CAST: variants seen among roughly 807,000 people sequenced by gnomAD.
CAST encodes MIR583 host.
In CAST, 76 loss-of-function variants were observed where a neutral mutation model predicts 119.6. The ratio of observed to expected loss-of-function variants is 0.64; its 90% CI spans 0.53 to 0.77. CAST has a LOEUF of 0.77. CAST is among the 30% of genes least tolerant of loss of function. The pLI is 0.00. For synonymous variants in CAST, 319 were observed against 331.6 expected, an observed-to-expected ratio of 0.96 and a Z score of 0.41; for missense variants, 953 against 946.5, an observed-to-expected ratio of 1.01 and a Z score of -0.09.
At chr5:96,663,611 G>C (rs984951288) in intron 1 of CAST, among the ~76,000 whole-genome samples, 1 of 152,142 alleles carries the variant, frequency 6.6e-6, no homozygotes, top group African/African-American at 2.4e-5. Context: ...ATTCGCCGAC[G>C]CAAAGGAGAG....
the CAST span, among the ~76,000 whole-genome samples, chr5:96,083,992 T>A: frequency 8.5e-5 from 13 of 152,170 alleles, no homozygotes; most frequent in African/African-American, 2.2e-4. Flanking sequence ...AGGGGTTTTT[T>A]AAAATAAGGA....
intron 1 of CAST, among the ~76,000 whole-genome samples, chr5:96,573,041 C>G (rs926874515): frequency 6.6e-6 from 1 of 152,138 alleles, no homozygotes; most frequent in Non-Finnish European, 1.5e-5. Flanking sequence ...GAGAGAAGGA[C>G]AAAGCTATGA....
chr5:96,019,792 C>T, the CAST span, among the ~76,000 whole-genome samples: 5 of 152,040 alleles, frequency 3.3e-5, no homozygotes, highest in South Asian at 2.1e-4. Context: ...GGCTAATAAA[C>T]GTAAATAGAC....
the CAST span, among the ~76,000 whole-genome samples, chr5:96,308,212 TCTCTGATA>T: frequency 6.6e-6 from 1 of 151,876 alleles, no homozygotes; most frequent in Non-Finnish European, 1.5e-5. Context: ...TGATCTTCAA[TCTCTGATA>T]GCCTTTCTTC....
chr5:96,584,498 A>T (rs1384933865), intron 1 of CAST: 1 of 152,256 alleles, frequency 6.6e-6, no homozygotes, highest in Non-Finnish European at 1.5e-5. Context: ...GGAGCAAAGT[A>T]GGAAAGAATT....
At chr5:96,662,246 G>A (rs943966123), upstream of CAST, 99 of 720,374 alleles carry the variant, frequency 1.4e-4, 1 homozygote, top group Admixed American at 4.0e-4. Context: ...GGGCCCATCG[G>A]GGCTAGGGGA....
intron 1 of CAST, among the ~76,000 whole-genome samples, chr5:96,617,790 T>TAAAAAAAAAAAAAAAAA (rs1162873931): frequency 4.5e-5 from 1 of 22,000 alleles, no homozygotes; most frequent in African/African-American, 1.2e-4. Flanking sequence ...AAATTCCATC[T>TAAAAAAAAAAAAAAAAA]AAAAAAAAAA....
the CAST span, among the ~76,000 whole-genome samples, chr5:96,190,151 T>C: frequency 6.6e-6 from 1 of 152,120 alleles, no homozygotes; most frequent in East Asian, 1.9e-4. Flanking sequence ...GAATTTGCAC[T>C]GGGGGATTGA....
intron 1 of CAST, among the ~76,000 whole-genome samples, chr5:96,534,749 GAAAGAAAGAAAGAAAGAA>G (rs1447833787): frequency 3.6e-4 from 17 of 47,440 alleles, no homozygotes; most frequent in African/African-American, 1.5e-3. Flanking sequence ...GAGAAAGAAA[GAAAGAAAGAAAGAAAGAA>G]AGAAAGAAAG....
chr5:96,691,657 C>T (rs1472541983), intron 2 of CAST, among the ~76,000 whole-genome samples: 1 of 152,180 alleles, frequency 6.6e-6, no homozygotes, highest in African/African-American at 2.4e-5. Context: ...ACTCATTTAA[C>T]CCTCAAAATC....
intron 3 of CAST, among the ~76,000 whole-genome samples, chr5:96,707,953 A>G (rs1368373624): frequency 6.6e-6 from 1 of 152,144 alleles, no homozygotes; most frequent in African/African-American, 2.4e-5. Context: ...CTATACTAAC[A>G]GAGTGGCCAG....
the CAST span, among the ~76,000 whole-genome samples, chr5:95,967,720 G>A: frequency 1.3e-5 from 2 of 152,106 alleles, no homozygotes; most frequent in African/African-American, 2.4e-5. Flanking sequence ...ATGATTGTTA[G>A]TTTCCTGAGG....
chr5:96,542,574 C>T (rs974275853), intron 1 of CAST, among the ~76,000 whole-genome samples: 1 of 92,936 alleles, frequency 1.1e-5, no homozygotes, highest in Admixed American at 1.3e-4. Flanking sequence ...CCATAAGGCA[C>T]CAAAGATGTG....
the CAST span, among the ~76,000 whole-genome samples, chr5:96,431,775 G>T: frequency 6.6e-6 from 1 of 152,174 alleles, no homozygotes; most frequent in African/African-American, 2.4e-5. Context: ...ACTCATCCGT[G>T]ACTCCAGCGG....
chr5:96,271,010 TGAA>T, the CAST span, among the ~76,000 whole-genome samples: 4 of 108,472 alleles, frequency 3.7e-5, no homozygotes, highest in South Asian at 2.8e-4. Context: ...TTAAAAAAAA[TGAA>T]GAAAGCAACC....
chr5:96,429,158 TAAAG>T, the CAST span: 125 of 912,304 alleles, frequency 1.4e-4, no homozygotes, highest in Middle Eastern at 4.3e-4. Context: ...TTAGAAATCA[TAAAG>T]AAAGCAGATA....
At chr5:96,051,563 C>G in the CAST span, among the ~76,000 whole-genome samples, 1 of 152,120 alleles carries the variant, frequency 6.6e-6, no homozygotes, top group Middle Eastern at 3.4e-3. Context: ...GAGCATTTGC[C>G]CCTTGTAAAG....
the CAST span, among the ~76,000 whole-genome samples, chr5:96,354,716 A>G: frequency 6.7e-6 from 1 of 148,940 alleles, no homozygotes; most frequent in Non-Finnish European, 1.5e-5. Flanking sequence ...CAATGTAAAT[A>G]TAATATATAA....
chr5:96,394,925 G>A, the CAST span: 47 of 1,613,946 alleles, frequency 2.9e-5, no homozygotes, highest in South Asian at 4.4e-5. Flanking sequence ...GTTGTAGGAC[G>A]TGTACACACG....
Sources: allele counts gnomAD v4.1 joint callset (sites outside exome capture counted in the v4.1 genomes callset), GRCh38; gene constraint gnomAD v4.1.1; transcripts MANE v1.5; gene names NCBI Gene and HGNC (gene_info 2026-07-23, HGNC 2026-07-21).